Variants in THSD7B observed in about 807,000 individuals in gnomAD.
THSD7B encodes thrombospondin type 1 domain containing 7B, also known as thrombospondin type-1 domain-containing protein 7B.
THSD7B carries 138 observed loss-of-function variants against 213.6 expected under a neutral mutation model. The observed-to-expected ratio is 0.65, with a 90% CI of 0.56 to 0.74. The LOEUF (loss-of-function observed/expected upper bound fraction) is 0.74. Among genes scored for constraint, THSD7B ranks in the 30% least tolerant of loss-of-function variants. THSD7B has a pLI of 0.00. For synonymous variants in THSD7B, 742 were observed against 687.0 expected (o/e 1.08, Z -1.25); for missense variants, 1,931 against 1,991.5 (o/e 0.97, Z 0.58).
intron 2 of THSD7B, among the ~76,000 whole-genome samples, chr2:136,931,807 G>A (rs1259434463): frequency 2.0e-5 from 3 of 152,136 alleles, no homozygotes; most frequent in African/African-American, 7.2e-5. Context: ...ACCAGGACTA[G>A]CTTTTAATAT....
chr2:137,416,906 T>G (rs1686813042), intron 14 of THSD7B, among the ~76,000 whole-genome samples: 1 of 152,224 alleles, frequency 6.6e-6, no homozygotes, highest in African/African-American at 2.4e-5. Context: ...AAGGAATGAT[T>G]TTTTCAAGTG....
At chr2:136,767,005 C>T (rs1681410433) in intron 1 of THSD7B, among the ~76,000 whole-genome samples, 2 of 151,434 alleles carry the variant, frequency 1.3e-5, no homozygotes, top group African/African-American at 4.9e-5. Context: ...TGTATACATG[C>T]GCGTGCGTGT....
intron 7 of THSD7B, among the ~76,000 whole-genome samples, chr2:137,211,087 T>TA (rs1158938335): frequency 1.3e-5 from 2 of 151,964 alleles, no homozygotes; most frequent in African/African-American, 4.8e-5. Context: ...GAGACCCTAT[T>TA]ATTGCAAGAT....
intron 5 of THSD7B, among the ~76,000 whole-genome samples, chr2:137,133,036 T>A (rs1424297270): frequency 6.6e-6 from 1 of 152,224 alleles, no homozygotes. Flanking sequence ...GGATGATTAA[T>A]GAACTCTAAT....
chr2:137,592,362 A>G (rs1401634791), intron 17 of THSD7B, among the ~76,000 whole-genome samples: 2 of 151,670 alleles, frequency 1.3e-5, no homozygotes, highest in Non-Finnish European at 3.0e-5. Context: ...ATAATCATAT[A>G]TTATTTGTAA....
At chr2:136,875,682 G>T (rs570866143) in intron 1 of THSD7B, among the ~76,000 whole-genome samples, 1 of 152,198 alleles carries the variant, frequency 6.6e-6, no homozygotes, top group East Asian at 1.9e-4. Context: ...TTCTGCTGTT[G>T]GGTCCTGGCT....
rs1255854684 is a variant in THSD7B at position 137,487,956 on chromosome 2, G to T, written c.3138+36933G>T. Among the ~76,000 whole-genome samples, 2 of 29,072 alleles carry T rather than the reference G, an allele frequency of 6.9e-5. 1 individual carries two copies. Among genetic ancestry groups the T allele is most frequent in the Non-Finnish European group, 2.0e-4 (2 of 9,790 alleles). 19.1% of individuals were successfully genotyped at this position (29,072 alleles called of 152,430 possible). On this transcript the variant is annotated intron_variant, in intron 15 of 27. Transcript: ENST00000409968. ...TTTTTTGTATTTTTAGTAGAGACGG[G>T]GTTTCACCGTTTTAGCCGGGATGGT...
chr2:137,275,332 T>C (rs931049432), intron 11 of THSD7B, among the ~76,000 whole-genome samples: 3 of 152,098 alleles, frequency 2.0e-5, no homozygotes, highest in Admixed American at 6.6e-5. Flanking sequence ...ATTGAGATGT[T>C]TGATTTACTT....
chr2:136,907,000 A>G (rs1684176236), intron 2 of THSD7B, among the ~76,000 whole-genome samples: 1 of 115,252 alleles, frequency 8.7e-6, no homozygotes, highest in Non-Finnish European at 1.6e-5. Context: ...GCTGGAGTGC[A>G]GTGGTGTGAT....
intron 1 of THSD7B, among the ~76,000 whole-genome samples, chr2:136,774,828 A>G (rs966154143): frequency 1.3e-5 from 2 of 152,160 alleles, no homozygotes; most frequent in African/African-American, 4.8e-5. Context: ...GCTTGTGGAC[A>G]TAATATATTC....
chr2:137,586,070 A>T (rs1286458743), intron 17 of THSD7B, among the ~76,000 whole-genome samples: 1 of 152,024 alleles, frequency 6.6e-6, no homozygotes, highest in South Asian at 2.1e-4. Context: ...TGTTGAATTG[A>T]TCCCTTTACC....
In THSD7B at chr2:136,973,673, G is replaced by T. The variant is rs1191983956; in HGVS notation, c.140-82747G>T. 3.3e-5 allele frequency among the ~76,000 whole-genome samples: 5 copies of T among 152,258 alleles called. No homozygotes were observed. The East Asian group carries it at 7.7e-4, about 23-fold the overall frequency. Reference sequence around the variant, plus strand: ...GTTATGCCATCTGTAGCAAGCTGTTGTAATTACCCATCTGTTTCAAATTGC... The same window carrying T: ...GTTATGCCATCTGTAGCAAGCTGTTTTAATTACCCATCTGTTTCAAATTGC... On this transcript the variant is annotated intron_variant, in intron 2 of 27. Transcript: ENST00000409968.
intron 6 of THSD7B, among the ~76,000 whole-genome samples, chr2:137,168,147 T>G (rs1477210656): frequency 6.6e-6 from 1 of 152,212 alleles, no homozygotes; most frequent in African/African-American, 2.4e-5. Context: ...GATGTTAGTT[T>G]ATGCATGTGC....
At chr2:137,009,692 A>G (rs1029786165) in intron 2 of THSD7B, among the ~76,000 whole-genome samples, 3 of 152,170 alleles carry the variant, frequency 2.0e-5, no homozygotes, top group Non-Finnish European at 2.9e-5. Flanking sequence ...ATGACTTACC[A>G]TGAGAACAGT....
intron 20 of THSD7B, among the ~76,000 whole-genome samples, chr2:137,630,872 A>C (rs1034363090): frequency 6.6e-6 from 1 of 152,214 alleles, no homozygotes; most frequent in Non-Finnish European, 1.5e-5. Flanking sequence ...CAGCAGCTGC[A>C]GTTCTCAGCT....
intron 12 of THSD7B, among the ~76,000 whole-genome samples, chr2:137,378,419 A>G (rs909755053): frequency 5.3e-5 from 8 of 152,132 alleles, no homozygotes; most frequent in African/African-American, 1.9e-4. Context: ...AGTTTACAGG[A>G]GGGAGTAGTT....
chr2:137,033,616 A>G (rs1373059772), intron 2 of THSD7B, among the ~76,000 whole-genome samples: 5 of 151,328 alleles, frequency 3.3e-5, no homozygotes, highest in Admixed American at 1.3e-4. Flanking sequence ...ATTTTTATTT[A>G]TTTATTTATT....
intron 2 of THSD7B, among the ~76,000 whole-genome samples, chr2:136,965,370 G>A (rs1685296431): frequency 6.6e-6 from 1 of 152,164 alleles, no homozygotes; most frequent in South Asian, 2.1e-4. Context: ...ATAGAATATG[G>A]GGATGGGAAG....
chr2:137,289,633 G>A (rs1281779792), intron 12 of THSD7B, among the ~76,000 whole-genome samples: 3 of 152,068 alleles, frequency 2.0e-5, no homozygotes, highest in Non-Finnish European at 4.4e-5. Context: ...AGTAATTGTA[G>A]ATTTTTTTAA....
Sources: allele counts gnomAD v4.1 joint callset (sites outside exome capture counted in the v4.1 genomes callset), GRCh38; gene constraint gnomAD v4.1.1; transcripts MANE v1.5; gene names NCBI Gene and HGNC (gene_info 2026-07-23, HGNC 2026-07-21).